CEP63: variants seen among roughly 807,000 people sequenced by gnomAD.
The protein encoded by CEP63 is centrosomal protein of 63 kDa.
A neutral mutation model predicts 89.1 loss-of-function variants in CEP63; 84 were observed. That is an observed-to-expected ratio of 0.94 (90% CI 0.79 to 1.13). CEP63 has a LOEUF of 1.13. CEP63 is among the 50% of genes most tolerant of loss of function. The probability of loss-of-function intolerance (pLI) is 0.00; values close to 1 mark genes in which losing one functional copy is unlikely to be tolerated. For synonymous variants in CEP63, 267 were observed against 272.5 expected, an observed-to-expected ratio of 0.98 and a Z score of 0.20; for missense variants, 838 against 813.3, an observed-to-expected ratio of 1.03 and a Z score of -0.37.
intron 4 of CEP63, among the ~76,000 whole-genome samples, chr3:134,532,178 A>G (rs1463141050): frequency 6.6e-6 from 1 of 152,230 alleles, no homozygotes; most frequent in Non-Finnish European, 1.5e-5. Flanking sequence ...GAGTACCTGA[A>G]AGAAATAGAG....
downstream of CEP63, among the ~76,000 whole-genome samples, chr3:134,577,463 G>T (rs1169289081): frequency 2.3e-5 from 3 of 132,888 alleles, no homozygotes; most frequent in Non-Finnish European, 3.1e-5. Context: ...TTGAGATGGA[G>T]TCTGGCTGTG....
chr3:134,521,156 G>T (rs377650603), intron 3 of CEP63, among the ~76,000 whole-genome samples: 1 of 152,050 alleles, frequency 6.6e-6, no homozygotes, highest in East Asian at 1.9e-4. Flanking sequence ...AATGACCAGC[G>T]AGCATGTGAA....
the CEP63 span, among the ~76,000 whole-genome samples, chr3:134,597,557 C>A: frequency 6.6e-6 from 1 of 152,220 alleles, no homozygotes; most frequent in African/African-American, 2.4e-5. Flanking sequence ...CAGGTGTTAG[C>A]ACCTTCAAGG....
the CEP63 span, among the ~76,000 whole-genome samples, chr3:134,653,185 T>C: frequency 3.9e-5 from 6 of 152,168 alleles, no homozygotes; most frequent in South Asian, 4.1e-4. Flanking sequence ...AGCCAGATAA[T>C]TCTCTTTGGT....
At chr3:134,657,257 C>T in the CEP63 span, among the ~76,000 whole-genome samples, 2 of 152,274 alleles carry the variant, frequency 1.3e-5, no homozygotes, top group Middle Eastern at 3.4e-3. Context: ...ATCAGGAGAA[C>T]AGTATGGGAA....
At chr3:134,705,145 A>G in the CEP63 span, among the ~76,000 whole-genome samples, 2 of 152,190 alleles carry the variant, frequency 1.3e-5, no homozygotes, top group African/African-American at 4.8e-5. Context: ...TTGTTATAAC[A>G]AAATACAAAA....
At chr3:134,750,732 C>G in the CEP63 span, among the ~76,000 whole-genome samples, 7 of 152,190 alleles carry the variant, frequency 4.6e-5, no homozygotes, top group Non-Finnish European at 5.9e-5. Context: ...AGCCTCCATA[C>G]CATGAGTCTT....
chr3:134,510,608 TG>T, intron 3 of CEP63: 2 of 654,688 alleles, frequency 3.1e-6, no homozygotes, highest in Non-Finnish European at 5.6e-6. Flanking sequence ...GGTGCAGGGG[TG>T]GGAAATTGGG....
the CEP63 span, among the ~76,000 whole-genome samples, chr3:134,751,980 T>C: frequency 6.6e-6 from 1 of 152,090 alleles, no homozygotes; most frequent in African/African-American, 2.4e-5. Context: ...ATGGAGCTCC[T>C]TGTGGGCAGG....
chr3:134,733,961 C>T, the CEP63 span, among the ~76,000 whole-genome samples: 2 of 152,132 alleles, frequency 1.3e-5, no homozygotes, highest in Admixed American at 6.6e-5. Flanking sequence ...GAGGCATTCC[C>T]GCTAAAGCAA....
chr3:134,765,948 C>T, the CEP63 span, among the ~76,000 whole-genome samples: 1 of 152,200 alleles, frequency 6.6e-6, no homozygotes, highest in Non-Finnish European at 1.5e-5. Flanking sequence ...TTCCAGTAAA[C>T]ACAGGGAGCG....
chr3:134,684,791 T>G, the CEP63 span, among the ~76,000 whole-genome samples: 1 of 152,238 alleles, frequency 6.6e-6, no homozygotes, highest in Non-Finnish European at 1.5e-5. Context: ...GAAACTTCAC[T>G]TTCACTCCCA....
intron 2 of CEP63, among the ~76,000 whole-genome samples, chr3:134,502,858 CT>C (rs948990296): frequency 2.0e-5 from 3 of 151,676 alleles, no homozygotes; most frequent in African/African-American, 7.3e-5. Context: ...TTTCTAGTTC[CT>C]TTAGGTGTGA....
the CEP63 span, chr3:134,603,676 C>T: frequency 5.7e-5 from 92 of 1,613,822 alleles, no homozygotes; most frequent in Admixed American, 1.3e-4. Context: ...GCCAGCTGTG[C>T]TGCAGCTTCC....
chr3:134,495,587 T>C (rs1347035949), intron 2 of CEP63, among the ~76,000 whole-genome samples: 2 of 152,224 alleles, frequency 1.3e-5, no homozygotes, highest in Admixed American at 1.3e-4. Context: ...TAAGGAACCT[T>C]ACTGTGCTAG....
the CEP63 span, among the ~76,000 whole-genome samples, chr3:134,595,110 A>G: frequency 6.6e-6 from 1 of 152,132 alleles, no homozygotes; most frequent in South Asian, 2.1e-4. Context: ...TGTCATCTTG[A>G]ATTGTAGTTT....
chr3:134,531,908 T>C lies in CEP63; in HGVS notation c.286T>C (p.Tyr96His), dbSNP rs751573158. ...EKIKQEMTME[Y>H]KQELKKLHEE... The stretch of plus-strand genomic sequence containing the variant: ...AATCAAGCAAGAGATGACCATGGAA[T>C]ATAAGCAGGAGTTGAAGAAACTACA... The change falls in exon 4 of 15, where the codon TAT becomes CAT. Residue 96 changes from tyrosine (Y) to histidine (H), a missense_variant. Coordinates refer to ENST00000675561, the MANE Select transcript of CEP63 (RefSeq NM_001353108.3). The C allele has an allele frequency of 1.2e-6, 2 of 1,613,392 alleles. No individual in the cohort carries two copies. The highest frequency in any genetic ancestry group is 2.7e-5 in the African/African-American group (2 of 75,040).
chr3:134,681,189 G>A, the CEP63 span, among the ~76,000 whole-genome samples: 1 of 152,204 alleles, frequency 6.6e-6, no homozygotes, highest in Non-Finnish European at 1.5e-5. Context: ...TGGGGGTCGG[G>A]GGGTGGTGGA....
the CEP63 span, among the ~76,000 whole-genome samples, chr3:134,614,265 G>A: frequency 1.7e-4 from 26 of 152,090 alleles, no homozygotes; most frequent in African/African-American, 6.3e-4. Flanking sequence ...CCATCCCAGA[G>A]CCTAAAATAT....
Sources: gnomAD v4.1 joint callset for allele counts (sites outside exome capture counted in the v4.1 genomes callset) on GRCh38, gnomAD v4.1.1 for gene constraint, MANE v1.5 for transcripts, NCBI Gene and HGNC (gene_info 2026-07-23, HGNC 2026-07-21) for gene names.